SYCE2: variants seen among roughly 807,000 people sequenced by gnomAD.
SYCE2 encodes central element synaptonemal complex 1.
SYCE2 carries 3 observed loss-of-function variants against 27.9 expected under a neutral mutation model. The observed-to-expected ratio is 0.11, with a 90% confidence interval of 0.05 to 0.28. SYCE2 has a LOEUF of 0.28. Ranked by LOEUF, SYCE2 falls within the 10% of genes least tolerant of loss-of-function variation. The probability of loss-of-function intolerance (pLI) is 1.00; values close to 1 mark genes in which losing one functional copy is unlikely to be tolerated. For missense variants in SYCE2, 207 were observed against 263.5 expected, an observed-to-expected ratio of 0.79 and a Z score of 1.48; for synonymous variants, 85 against 100.7, an observed-to-expected ratio of 0.84 and a Z score of 0.93.
chr19:12,903,762 C>T (rs1970886502), intron 3 of SYCE2, among the ~76,000 whole-genome samples: 1 of 150,780 alleles, frequency 6.6e-6, no homozygotes, highest in Non-Finnish European at 1.5e-5. Context: ...TGCACTGAGC[C>T]AATTTTTTTA....
rs973762433 is a variant in SYCE2 at position 12,900,125 on chromosome 19, A to G, written c.496-5T>C. On this transcript the variant is annotated splice_region_variant and splice_polypyrimidine_tract_variant and intron_variant, in intron 4 of 5. Coordinates refer to ENST00000293695, the MANE Select transcript of SYCE2 (RefSeq NM_001105578.2). ...CCATCTGAGTCTTAGGCTCTGCTGT[A>G]AAAAAGAAACCCAGGTTAGCAGTGC... The G allele has an allele frequency of 3.1e-6, 5 of 1,599,598 alleles. No individual in the cohort carries two copies. The highest frequency in any genetic ancestry group is 2.7e-5 in the African/African-American group (2 of 73,764).
At chr19:12,902,876 C>T (rs1970865902) in intron 3 of SYCE2, among the ~76,000 whole-genome samples, 1 of 151,662 alleles carries the variant, frequency 6.6e-6, no homozygotes, top group Non-Finnish European at 1.5e-5. Flanking sequence ...AGCAAGCTGT[C>T]CCACTCATGT....
At chr19:12,910,302 ATTTT>A (rs913538561) in intron 2 of SYCE2, among the ~76,000 whole-genome samples, 1 of 151,398 alleles carries the variant, frequency 6.6e-6, no homozygotes, top group Non-Finnish European at 1.5e-5. Flanking sequence ...ATGTTAAAAA[ATTTT>A]TTTTTCTTTT....
Position 12,900,135 on chromosome 19 carries a change from C to A in SYCE2, c.496-15G>T. ...CTTAGGCTCTGCTGTAAAAAAGAAA[C>A]CCAGGTTAGCAGTGCCGGTCTGTGC... On this transcript the variant is annotated splice_polypyrimidine_tract_variant and intron_variant, in intron 4 of 5. Transcript: ENST00000293695. 2.5e-6 allele frequency: 4 copies of A among 1,598,876 alleles called. No individual in the cohort carries two copies. The highest frequency in any genetic ancestry group is 1.1e-5 in the South Asian group (1 of 89,714).
chr19:12,910,655 G>A (rs1036988210), intron 2 of SYCE2, among the ~76,000 whole-genome samples: 3 of 151,876 alleles, frequency 2.0e-5, no homozygotes, highest in Non-Finnish European at 4.4e-5. Context: ...TTATAGGCAT[G>A]AGCCACCACG....
intron 2 of SYCE2, chr19:12,914,166 T>C (rs540250321): frequency 6.6e-6 from 1 of 152,358 alleles, no homozygotes; most frequent in Admixed American, 6.5e-5. Context: ...ACAGAACTCA[T>C]GTTCTTGTCT....
At position 12,918,242 on chromosome 19, in the gene SYCE2, T is replaced by C. The variant is rs1568440559; in HGVS notation, c.111A>G (p.Glu37=). ...CTCACCTAGCTGGCCCTCCACCAGC[T>C]TCCTCCTCGCAGTTCTCTTCCCACC... ...HPRWEENCEE[E]AGGGPASASC... is the part of the protein sequence containing the mutation. The change falls in exon 2 of 6, where the codon GAA becomes GAG. Residue 37 remains glutamate (E), a synonymous_variant. Transcript: ENST00000293695. 6.2e-7 allele frequency: 1 copy of C among 1,614,140 alleles called. No homozygotes were observed. Among genetic ancestry groups the C allele is most frequent in the Non-Finnish European group, 8.5e-7 (1 of 1,179,990 alleles).
At chr19:12,909,714 G>A (rs776806933) in intron 2 of SYCE2, among the ~76,000 whole-genome samples, 3 of 147,758 alleles carry the variant, frequency 2.0e-5, no homozygotes, top group Non-Finnish European at 4.5e-5. Context: ...TTACAGGCAT[G>A]TACCACCACA....
At chr19:12,911,700 C>T (rs1260414896) in intron 2 of SYCE2, among the ~76,000 whole-genome samples, 1 of 147,876 alleles carries the variant, frequency 6.8e-6, no homozygotes, top group Non-Finnish European at 1.5e-5. Flanking sequence ...TCACTGCAAC[C>T]ACTATCTCCC....
In SYCE2 at chr19:12,904,754, C is replaced by T. The variant is rs180837614; in HGVS notation, c.132-88G>A. On this transcript the variant is annotated intron_variant, in intron 2 of 5. Transcript: ENST00000293695. ...TAGTCGCTCATGCCTGTAATCTCAGCACTTTGTAGGCCGAGGTGGGCGGAT... is the reference window on the plus strand; with the variant it reads ...TAGTCGCTCATGCCTGTAATCTCAGTACTTTGTAGGCCGAGGTGGGCGGAT... The T allele has an allele frequency of 8.0e-5, 118 of 1,474,396 alleles. No homozygotes were observed. In the African/African-American group the frequency reaches 1.6e-3, roughly 20 times the overall value. 91.3% of individuals were successfully genotyped at this position (1,474,396 alleles called of 1,614,324 possible).
chr19:12,901,901 C>T (rs1488173835), intron 3 of SYCE2, among the ~76,000 whole-genome samples: 1 of 152,156 alleles, frequency 6.6e-6, no homozygotes, highest in Non-Finnish European at 1.5e-5. Context: ...CAGGCATGAG[C>T]CACTGCACCT....
At chr19:12,900,346 CTG>C in intron 4 of SYCE2, 112 bp downstream of exon 4, 1 of 1,226,996 alleles carries the variant, frequency 8.1e-7, no homozygotes. Flanking sequence ...TTTGCAGGGA[CTG>C]TGGCCTGGCG....
intron 2 of SYCE2, among the ~76,000 whole-genome samples, chr19:12,905,334 T>G (rs926391239): frequency 1.6e-4 from 25 of 152,138 alleles, no homozygotes; most frequent in South Asian, 2.1e-4. Context: ...GTCAATGCTT[T>G]CTTTCTTTTT....
intron 3 of SYCE2, among the ~76,000 whole-genome samples, chr19:12,903,037 C>CAA (rs767887340): frequency 1.8e-5 from 1 of 56,712 alleles, no homozygotes; most frequent in African/African-American, 5.6e-5. Flanking sequence ...GACTCTGTCT[C>CAA]AAAAAAAAAA....
intron 2 of SYCE2, 139 bp from the exon 3 acceptor site, chr19:12,904,805 C>T: frequency 1.1e-6 from 1 of 938,522 alleles, no homozygotes; most frequent in Non-Finnish European, 1.6e-6. Context: ...TCGAGACCAG[C>T]CTGGCAACAT....
At chr19:12,910,717 C>T (rs1475186065) in intron 2 of SYCE2, among the ~76,000 whole-genome samples, 2 of 150,304 alleles carry the variant, frequency 1.3e-5, no homozygotes, top group Non-Finnish European at 3.0e-5. Flanking sequence ...TCGCTCTGTC[C>T]CCCAGGCTGG....
At chr19:12,913,535 T>C (rs574670398) in intron 2 of SYCE2, among the ~76,000 whole-genome samples, 1 of 152,220 alleles carries the variant, frequency 6.6e-6, no homozygotes, top group East Asian at 1.9e-4. Flanking sequence ...TTTGCTGAAG[T>C]ACAGCCAGGA....
intron 2 of SYCE2, among the ~76,000 whole-genome samples, chr19:12,911,434 CTT>C (rs1971043297): frequency 6.6e-6 from 1 of 151,874 alleles, no homozygotes; most frequent in African/African-American, 2.4e-5. Context: ...GGGTTTTTTT[CTT>C]TTTCTTTCTT....
At chr19:12,917,307 G>A (rs1391856046) in intron 2 of SYCE2, among the ~76,000 whole-genome samples, 1 of 152,012 alleles carries the variant, frequency 6.6e-6, no homozygotes, top group Non-Finnish European at 1.5e-5. Context: ...GCCTGCCTTG[G>A]CCTCCCAAAG....
Sources: gnomAD v4.1 joint callset for allele counts (sites outside exome capture counted in the v4.1 genomes callset) on GRCh38, gnomAD v4.1.1 for gene constraint, MANE v1.5 for transcripts, NCBI Gene and HGNC (gene_info 2026-07-23, HGNC 2026-07-21) for gene names.